Variants in MYO3B observed in about 807,000 individuals in gnomAD.
The protein encoded by MYO3B is myosin IIIB.
A neutral mutation model predicts 174.6 loss-of-function variants in MYO3B; 156 were observed. The ratio of observed to expected loss-of-function variants is 0.89; its 90% CI spans 0.78 to 1.02. The LOEUF (loss-of-function observed/expected upper bound fraction) is 1.02, where lower values mean the gene tolerates loss of function less well. Ranked by LOEUF, MYO3B falls within the 50% of genes least tolerant of loss-of-function variation. MYO3B has a pLI of 0.00. For synonymous variants in MYO3B, 563 were observed against 569.1 expected, an observed-to-expected ratio of 0.99 and a Z score of 0.15; for missense variants, 1,632 against 1,639.4, an observed-to-expected ratio of 1.00 and a Z score of 0.08.
chr2:170,447,102 C>T (rs1339320756), intron 23 of MYO3B, among the ~76,000 whole-genome samples: 1 of 152,072 alleles, frequency 6.6e-6, no homozygotes, highest in African/African-American at 2.4e-5. Context: ...GAGTGACCTT[C>T]CTAGGTATTC....
At chr2:170,194,057 A>C (rs912321669) in intron 1 of MYO3B, among the ~76,000 whole-genome samples, 1 of 152,024 alleles carries the variant, frequency 6.6e-6, no homozygotes, top group East Asian at 1.9e-4. Flanking sequence ...AGGGCTTCAC[A>C]TTTATCTCTT....
At chr2:170,635,566 A>T (rs575339813) in intron 32 of MYO3B, among the ~76,000 whole-genome samples, 36 of 152,304 alleles carry the variant, frequency 2.4e-4, no homozygotes, top group African/African-American at 7.5e-4. Flanking sequence ...ATACATATGT[A>T]ACAAACCTGC....
chr2:170,489,444 CAG>C (rs1373786113), intron 25 of MYO3B, among the ~76,000 whole-genome samples: 1 of 152,110 alleles, frequency 6.6e-6, no homozygotes, highest in Non-Finnish European at 1.5e-5. Flanking sequence ...CTTGGGTAGT[CAG>C]TGAACAAAGA....
In MYO3B at chr2:170,514,984, C is replaced by T; in HGVS notation, c.3434C>T (p.Ala1145Val). The T allele has an allele frequency of 6.2e-7, 1 of 1,613,964 alleles. No individual in the cohort carries two copies. Among genetic ancestry groups the T allele is most frequent in the Non-Finnish European group, 8.5e-7 (1 of 1,179,922 alleles). ...GTCGCAGCAGGTACGAGGGGAAGTGCCGAGGTTCAAGACTGCAGCGAGCCT... is the reference window on the plus strand; with the variant it reads ...GTCGCAGCAGGTACGAGGGGAAGTGTCGAGGTTCAAGACTGCAGCGAGCCT... ...SPVAAGTRGS[A>V]EVQDCSEPGD... is the part of the protein sequence containing the mutation. Residue 1145 changes from alanine (A) to valine (V), a missense_variant, in exon 29 of 35, where the codon GCC (alanine) becomes GTC (valine). Transcript: ENST00000408978.
intron 7 of MYO3B, among the ~76,000 whole-genome samples, chr2:170,319,927 T>A (rs779862183): frequency 3.3e-5 from 5 of 152,106 alleles, no homozygotes; most frequent in Non-Finnish European, 7.3e-5. Context: ...AGCAAAATTA[T>A]CCTTCAAAAA....
chr2:170,488,773 C>T (rs1433603039), intron 25 of MYO3B, among the ~76,000 whole-genome samples: 1 of 152,126 alleles, frequency 6.6e-6, no homozygotes, highest in African/African-American at 2.4e-5. Flanking sequence ...TGCAAAATGG[C>T]TCAAAGGGGA....
At chr2:170,521,863 G>T (rs1688688107) in intron 30 of MYO3B, among the ~76,000 whole-genome samples, 1 of 152,036 alleles carries the variant, frequency 6.6e-6, no homozygotes, top group African/African-American at 2.4e-5. Flanking sequence ...TCTGATTTGT[G>T]TCCCTACAAT....
intron 32 of MYO3B, among the ~76,000 whole-genome samples, chr2:170,629,365 C>G (rs1696743613): frequency 6.6e-6 from 1 of 152,180 alleles, no homozygotes; most frequent in African/African-American, 2.4e-5. Flanking sequence ...AGTCTTAGAT[C>G]TTCCCTGTTA....
intron 7 of MYO3B, among the ~76,000 whole-genome samples, chr2:170,246,922 C>T (rs1165784203): frequency 2.6e-5 from 4 of 152,014 alleles, no homozygotes; most frequent in Non-Finnish European, 5.9e-5. Flanking sequence ...GTTAGATTGG[C>T]CAGCCTTCCA....
At chr2:170,258,568 A>G (rs2093322213) in intron 7 of MYO3B, among the ~76,000 whole-genome samples, 1 of 152,168 alleles carries the variant, frequency 6.6e-6, no homozygotes. Context: ...CCTGAAAATA[A>G]TGAGTCATCT....
chr2:170,523,874 C>T (rs1217063780), intron 30 of MYO3B, among the ~76,000 whole-genome samples: 4 of 152,064 alleles, frequency 2.6e-5, no homozygotes, highest in Non-Finnish European at 5.9e-5. Flanking sequence ...ATATGATTGG[C>T]CAGAATTTGC....
chr2:170,353,224 G>A (rs1418204352), intron 8 of MYO3B, among the ~76,000 whole-genome samples: 2 of 152,192 alleles, frequency 1.3e-5, no homozygotes, highest in Non-Finnish European at 2.9e-5. Flanking sequence ...ATTATTCACT[G>A]CTAAAAAGAA....
chr2:170,516,095 A>G (rs1432375587), intron 29 of MYO3B, among the ~76,000 whole-genome samples: 2 of 152,206 alleles, frequency 1.3e-5, no homozygotes, highest in Non-Finnish European at 2.9e-5. Flanking sequence ...GAGATCCTCC[A>G]AAGATGTGTT....
intron 13 of MYO3B, among the ~76,000 whole-genome samples, chr2:170,386,696 AG>A (rs1160702856): frequency 1.3e-5 from 2 of 152,230 alleles, no homozygotes; most frequent in Non-Finnish European, 2.9e-5. Flanking sequence ...GAATTCAAAT[AG>A]TCTAGTAGTT....
intron 7 of MYO3B, among the ~76,000 whole-genome samples, chr2:170,236,833 A>G (rs1449093724): frequency 6.6e-6 from 1 of 152,158 alleles, no homozygotes; most frequent in Admixed American, 6.5e-5. Flanking sequence ...TGTACCTTCC[A>G]TATGTCTCTT....
intron 32 of MYO3B, among the ~76,000 whole-genome samples, chr2:170,621,499 G>GT (rs1463017624): frequency 1.5e-5 from 2 of 136,976 alleles, no homozygotes; most frequent in Non-Finnish European, 3.1e-5. Flanking sequence ...AACTGGAAAT[G>GT]TTTTTTTGTT....
chr2:170,309,296 G>A (rs544063639), intron 7 of MYO3B, among the ~76,000 whole-genome samples: 1 of 152,130 alleles, frequency 6.6e-6, no homozygotes, highest in African/African-American at 2.4e-5. Context: ...TGGGTTGCTT[G>A]CAAATAGTCA....
chr2:170,412,012 T>C (rs2094548880), intron 22 of MYO3B: 1 of 152,136 alleles, frequency 6.6e-6, no homozygotes, highest in Non-Finnish European at 1.5e-5. Context: ...TTTGTAATAC[T>C]TCCTATTGAT....
At chr2:170,533,774 A>G (rs1293331972) in intron 30 of MYO3B, among the ~76,000 whole-genome samples, 1 of 152,124 alleles carries the variant, frequency 6.6e-6, no homozygotes, top group East Asian at 1.9e-4. Context: ...TTCTGACTAT[A>G]TATGCATCTT....
Sources: gnomAD v4.1 joint callset for allele counts (sites outside exome capture counted in the v4.1 genomes callset) on GRCh38, gnomAD v4.1.1 for gene constraint, MANE v1.5 for transcripts, NCBI Gene and HGNC (gene_info 2026-07-23, HGNC 2026-07-21) for gene names.